Variants in ARL6IP1 observed in about 807,000 individuals in gnomAD.
ARL6IP1 encodes the protein ADP-ribosylation factor-like protein 6-interacting protein 1.
ARL6IP1 carries 16 observed loss-of-function variants against 30.1 expected under a neutral mutation model. That is an observed-to-expected ratio of 0.53 (90% CI 0.36 to 0.81). The LOEUF is 0.81. Ranked by LOEUF, ARL6IP1 falls within the 30% of genes least tolerant of loss-of-function variation. ARL6IP1 has a pLI of 0.01. For missense variants in ARL6IP1, 173 were observed against 242.7 expected (o/e 0.71, Z 1.91); for synonymous variants, 72 against 84.8 (o/e 0.85, Z 0.83).
At position 18,795,455 on chromosome 16, in the gene ARL6IP1, A is replaced by G; in HGVS notation, c.408+9T>C. ...TTTTACTGTACTTAAGTCAAAGCAA[A>G]AAAAGTACCATCTTAGGTTTTTCTT... is the stretch of plus-strand genomic sequence containing the variant. On this transcript the variant is annotated intron_variant, in intron 4 of 5. Transcript: ENST00000304414. 6.2e-7 allele frequency: 1 copy of G among 1,603,412 alleles called. No homozygotes were observed. The highest frequency in any genetic ancestry group is 1.1e-5 in the South Asian group (1 of 90,196).
At chr16:18,793,417 G>T in intron 5 of ARL6IP1, 47 bp from the exon 6 acceptor site, 1 of 1,032,148 alleles carries the variant, frequency 9.7e-7, no homozygotes, top group Non-Finnish European at 1.4e-6. Context: ...CAATTAACCT[G>T]CTAAAGGTTA....
At chr16:18,796,108 T>TC (rs2030222842) in intron 3 of ARL6IP1, among the ~76,000 whole-genome samples, 1 of 152,224 alleles carries the variant, frequency 6.6e-6, no homozygotes, top group South Asian at 2.1e-4. Flanking sequence ...TCTAAATTCT[T>TC]CTTTGTAAAT....
At chr16:18,798,640 T>C in intron 2 of ARL6IP1, 61 bp downstream of exon 2, 3 of 1,550,978 alleles carry the variant, frequency 1.9e-6, no homozygotes, top group South Asian at 1.2e-5. Context: ...ACAGAAGCTA[T>C]ATATTAAAAA....
Position 18,801,532 on chromosome 16 carries a change from G to T in ARL6IP1, c.-66C>A, listed in dbSNP as rs901096257. 6.3e-7 allele frequency: 1 copy of T among 1,585,488 alleles called. No individual in the cohort carries two copies. The highest frequency in any genetic ancestry group is 8.6e-7 in the Non-Finnish European group (1 of 1,166,470). On this transcript the variant is annotated 5_prime_UTR_variant, in exon 1 of 6. Transcript: ENST00000304414. ...CCAACGAGTCCTCCAACCGAAACCC[G>T]CACACCAACCACAACCCGAGGGAAC...
In ARL6IP1 at chr16:18,791,925, CTT is replaced by C. The variant is rs1057362813; in HGVS notation, c.*1325_*1326del. ...CAATATTAAAGAGGAGAAAACAACA[CTT>C]ATTTAATAGGGACAGATATACCACA... On this transcript the variant is annotated 3_prime_UTR_variant, in exon 6 of 6. Transcript: ENST00000304414. 2.0e-5 allele frequency: 3 copies of C among 152,596 alleles called. No homozygotes were observed. The highest frequency in any genetic ancestry group is 2.9e-5 in the Non-Finnish European group (2 of 68,040). 9.5% of individuals were successfully genotyped at this position (152,596 alleles called of 1,614,324 possible).
intron 1 of ARL6IP1, among the ~76,000 whole-genome samples, chr16:18,799,418 C>T (rs1008870165): frequency 1.3e-5 from 2 of 152,204 alleles, no homozygotes; most frequent in Admixed American, 6.5e-5. Flanking sequence ...GATAATTAGA[C>T]TCAATTTACA....
rs2141876303 is a variant in ARL6IP1, at chr16:18,801,545, A to C, written c.-79T>G. 6.4e-7 allele frequency: 1 copy of C among 1,561,894 alleles called. No homozygotes were observed. Among genetic ancestry groups the C allele is most frequent in the East Asian group, 2.3e-5 (1 of 43,364 alleles). On this transcript the variant is annotated 5_prime_UTR_variant, in exon 1 of 6. Transcript: ENST00000304414. ...CAACCGAAACCCGCACACCAACCAC[A>C]ACCCGAGGGAACGCCCCGCAGGCTG...
chr16:18,796,475 C>CA (rs1174566777), intron 3 of ARL6IP1, among the ~76,000 whole-genome samples: 2 of 152,128 alleles, frequency 1.3e-5, no homozygotes, highest in Non-Finnish European at 2.9e-5. Context: ...CTTGTAAGAT[C>CA]AAAAAATAAA....
chr16:18,798,201 T>C (rs193062342), intron 2 of ARL6IP1, 157 bp from the exon 3 acceptor site: 1 of 644,826 alleles, frequency 1.6e-6, no homozygotes, highest in East Asian at 3.1e-5. Context: ...AGAGGCTTTG[T>C]GACATGCTGA....
chr16:18,798,143 C>T lies in ARL6IP1; in HGVS notation c.171-99G>A, dbSNP rs2030297475. 24 of 1,198,230 alleles carry T rather than the reference C, an allele frequency of 2.0e-5. 1 individual carries two copies. In the South Asian group the frequency reaches 3.9e-4, roughly 19 times the overall value. The allele number at this position is 1,198,230 out of a possible 1,614,324, so 74.2% of individuals were successfully genotyped here. A position where few individuals can be genotyped will look rare whatever the true frequency, so the allele number is the denominator to read the frequency against. On this transcript the variant is annotated intron_variant, in intron 2 of 5. Coordinates refer to ENST00000304414, the MANE Select transcript of ARL6IP1 (RefSeq NM_015161.3). Reference sequence around the variant, plus strand: ...ATTCACTTAACTATTCACCGCCTCTCAGAGATATTTGCCATTTTTCTTCTA... The same window carrying T: ...ATTCACTTAACTATTCACCGCCTCTTAGAGATATTTGCCATTTTTCTTCTA...
At chr16:18,800,841 C>G (rs1221402071) in intron 1 of ARL6IP1, among the ~76,000 whole-genome samples, 2 of 152,130 alleles carry the variant, frequency 1.3e-5, no homozygotes, top group African/African-American at 4.8e-5. Context: ...AGTCCTGTGA[C>G]CCCACCCCCG....
chr16:18,794,567 G>A, intron 5 of ARL6IP1, 32 bp downstream of exon 5: 5 of 1,544,326 alleles, frequency 3.2e-6, no homozygotes, highest in Non-Finnish European at 4.5e-6. Context: ...CACTGGCCAG[G>A]ATGTGCCTGT....
At position 18,791,707 on chromosome 16, in the gene ARL6IP1, A is replaced by G. The variant is rs1276325410; in HGVS notation, c.*1545T>C. On this transcript the variant is annotated 3_prime_UTR_variant, in exon 6 of 6. Transcript: ENST00000304414. ...TTTTTATTTTTTCCCCTTTTACACA[A>G]AACAAAGTAGAAGAAATAATACAGG... The G allele has an allele frequency of 6.6e-6, 1 of 152,254 alleles. No homozygotes were observed. The highest frequency in any genetic ancestry group is 1.9e-4 in the East Asian group (1 of 5,206). 9.4% of individuals were successfully genotyped at this position (152,254 alleles called of 1,614,324 possible).
chr16:18,793,664 C>G (rs2030140226), intron 5 of ARL6IP1, among the ~76,000 whole-genome samples: 1 of 152,022 alleles, frequency 6.6e-6, no homozygotes, highest in Admixed American at 6.6e-5. Context: ...CTCCCAATCT[C>G]AGGTGATCCG....
At chr16:18,793,408 A>G (rs1433991869) in intron 5 of ARL6IP1, 38 bp from the exon 6 acceptor site, 3 of 1,214,538 alleles carry the variant, frequency 2.5e-6, no homozygotes, top group Non-Finnish European at 3.5e-6. Context: ...AGGAGGCAGC[A>G]ATTAACCTGC....
In ARL6IP1 at chr16:18,798,015, A is replaced by G. The variant is rs1489297427; in HGVS notation, c.200T>C (p.Leu67Pro). Residue 67 changes from leucine to proline, a missense_variant, in exon 3 of 6, where the codon CTG becomes CCG. By Grantham distance (98) the Leu-to-Pro change is moderately conservative. Transcript: ENST00000304414. Reference protein sequence around the residue: ...LIIYYLDPSVLSGVSCFVMFL... With the variant: ...LIIYYLDPSVPSGVSCFVMFL... ...CATAACAAAACAGGAAACGCCGGAC[A>G]GAACAGATGGATCTAGATAGTAGAT... 2 of 1,613,428 alleles carry G rather than the reference A, an allele frequency of 1.2e-6. No individual in the cohort carries two copies. The highest frequency in any genetic ancestry group is 4.5e-5 in the East Asian group (2 of 44,842).
intron 2 of ARL6IP1, 44 bp downstream of exon 2, chr16:18,798,657 A>T: frequency 6.3e-7 from 1 of 1,585,608 alleles, no homozygotes; most frequent in Non-Finnish European, 8.6e-7. Context: ...AAAAGTCTTT[A>T]TTAATAAGAA....
rs755549983 is a variant in ARL6IP1, at chr16:18,798,829, T to C, written c.42A>G (p.Ala14=). 7.4e-6 allele frequency: 12 copies of C among 1,613,950 alleles called. No homozygotes were observed. The highest frequency in any genetic ancestry group is 1.0e-5 in the Non-Finnish European group (12 of 1,179,942). ...GDNRSTNLLA[A]ETASLEEQLQ... ...GCTGTTCTTCCAGACTTGCAGTCTC[T>C]GCAGCCTAAATACCACCGACATTTA... The change falls in exon 2 of 6, where the codon GCA becomes GCG. Residue 14 remains alanine (A), a synonymous_variant. Transcript: ENST00000304414.
Position 18,799,681 on chromosome 16 carries a change from C to G in ARL6IP1, c.37-847G>C, listed in dbSNP as rs975032783. On this transcript the variant is annotated intron_variant, in intron 1 of 5. Transcript: ENST00000304414. ...ATGGAATCACTCAGATGTTGACATT[C>G]ATTGGACAATTAAGGAAAACTACTT... is the stretch of plus-strand genomic sequence containing the variant. Among the ~76,000 whole-genome samples, 7 of 152,168 alleles carry G rather than the reference C, an allele frequency of 4.6e-5. No homozygotes were observed. The South Asian group carries it at 8.3e-4, about 18-fold the overall frequency.
Sources: gnomAD v4.1 joint callset for allele counts (sites outside exome capture counted in the v4.1 genomes callset) on GRCh38, gnomAD v4.1.1 for gene constraint, MANE v1.5 for transcripts, NCBI Gene and HGNC (gene_info 2026-07-23, HGNC 2026-07-21) for gene names.